PLXDC2: variants seen among roughly 807,000 people sequenced by gnomAD.
PLXDC2 encodes plexin domain containing 2, also known as plexin domain-containing protein 2.
In PLXDC2, 40 loss-of-function variants were observed where a neutral mutation model predicts 68.9. That is an observed-to-expected ratio of 0.58 (90% CI 0.45 to 0.76). PLXDC2 has a LOEUF of 0.76. Among genes scored for constraint, PLXDC2 ranks in the 30% least tolerant of loss-of-function variants. PLXDC2 has a pLI of 0.00. For missense variants in PLXDC2, 644 were observed against 661.9 expected (o/e 0.97, Z 0.30); for synonymous variants, 243 against 234.2 (o/e 1.04, Z -0.34).
At chr10:19,988,081 T>C (rs1834679263) in intron 1 of PLXDC2, among the ~76,000 whole-genome samples, 1 of 152,322 alleles carries the variant, frequency 6.6e-6, no homozygotes, top group Admixed American at 6.5e-5. Context: ...CTTTTGTCCT[T>C]GGTTTGGCTG....
intron 6 of PLXDC2, 52 bp downstream of exon 6, chr10:20,147,954 C>A (rs759624294): frequency 8.0e-7 from 1 of 1,245,338 alleles, no homozygotes; most frequent in East Asian, 2.4e-5. Flanking sequence ...TTGACTGCTG[C>A]CTTTCCTCCA....
intron 1 of PLXDC2, among the ~76,000 whole-genome samples, chr10:19,861,569 C>T (rs551375152): frequency 6.6e-6 from 1 of 152,296 alleles, no homozygotes; most frequent in Non-Finnish European, 1.5e-5. Context: ...TTCTCAGCTT[C>T]CCCTAAATGA....
chr10:19,969,326 C>T (rs1834312840), intron 1 of PLXDC2, among the ~76,000 whole-genome samples: 1 of 152,138 alleles, frequency 6.6e-6, no homozygotes, highest in African/African-American at 2.4e-5. Context: ...TTAAATCCCA[C>T]GAAAACCAAA....
At chr10:20,189,510 TAC>T (rs1282379400) in intron 9 of PLXDC2, among the ~76,000 whole-genome samples, 2 of 110,892 alleles carry the variant, frequency 1.8e-5, no homozygotes, top group Non-Finnish European at 3.8e-5. Flanking sequence ...TATATACACA[TAC>T]ACACACATAT....
intron 1 of PLXDC2, among the ~76,000 whole-genome samples, chr10:19,818,158 T>C (rs1589481744): frequency 6.6e-6 from 1 of 151,138 alleles, no homozygotes; most frequent in African/African-American, 2.4e-5. Context: ...AGAAAAAACT[T>C]GGAGGGAAAA....
rs189066542 is a variant in PLXDC2 at position 20,116,977 on chromosome 10, T to C, written c.542-26318T>C. Among the ~76,000 whole-genome samples the C allele has an allele frequency of 2.4e-3, 361 of 152,004 alleles. 1 individual carries two copies. Among genetic ancestry groups the C allele is most frequent in the Non-Finnish European group, 3.7e-3 (254 of 67,960 alleles). On this transcript the variant is annotated intron_variant, in intron 4 of 13. Transcript: ENST00000377252. ...TAAAAATGAAAAAATAAATAAAATA[T>C]TTAAAGACTGGAAGAAAAAATATAT...
At chr10:20,034,462 C>T (rs1240627110) in intron 2 of PLXDC2, among the ~76,000 whole-genome samples, 3 of 151,982 alleles carry the variant, frequency 2.0e-5, no homozygotes, top group East Asian at 1.9e-4. Context: ...GACATATTTT[C>T]GTAATTAAAG....
At chr10:19,984,971 C>T (rs1834612277) in intron 1 of PLXDC2, among the ~76,000 whole-genome samples, 1 of 152,148 alleles carries the variant, frequency 6.6e-6, no homozygotes, top group Non-Finnish European at 1.5e-5. Flanking sequence ...TTAATTCTTA[C>T]TCTTGTAAAA....
intron 2 of PLXDC2, among the ~76,000 whole-genome samples, chr10:20,010,710 G>T (rs1174680064): frequency 6.6e-6 from 1 of 152,144 alleles, no homozygotes; most frequent in African/African-American, 2.4e-5. Flanking sequence ...TTCAGAACAA[G>T]AATTATGTTT....
chr10:20,103,098 A>G (rs1833443924), intron 4 of PLXDC2, among the ~76,000 whole-genome samples: 1 of 152,200 alleles, frequency 6.6e-6, no homozygotes, highest in African/African-American at 2.4e-5. Flanking sequence ...GAAGGTGCGG[A>G]CAGAAATCTC....
chr10:20,220,805 A>T (rs1051643658), intron 12 of PLXDC2, among the ~76,000 whole-genome samples: 20 of 150,668 alleles, frequency 1.3e-4, no homozygotes, highest in African/African-American at 4.9e-4. Context: ...TGAAGAATTC[A>T]TACTGGCATG....
intron 4 of PLXDC2, among the ~76,000 whole-genome samples, chr10:20,083,533 A>T (rs1836616150): frequency 6.6e-6 from 1 of 152,018 alleles, no homozygotes; most frequent in Non-Finnish European, 1.5e-5. Flanking sequence ...CAGCATTAAT[A>T]TTTAAAATTC....
intron 4 of PLXDC2, among the ~76,000 whole-genome samples, chr10:20,116,046 A>G (rs1589636296): frequency 6.6e-6 from 1 of 152,250 alleles, no homozygotes; most frequent in African/African-American, 2.4e-5. Flanking sequence ...CCAGTTACAC[A>G]AAAGTGTGTT....
chr10:19,968,273 A>G (rs1307301708), intron 1 of PLXDC2, among the ~76,000 whole-genome samples: 1 of 152,142 alleles, frequency 6.6e-6, no homozygotes, highest in Non-Finnish European at 1.5e-5. Context: ...CTTGTATTAG[A>G]TGAGTGATTA....
intron 2 of PLXDC2, among the ~76,000 whole-genome samples, chr10:20,039,168 A>G (rs553063920): frequency 1.0e-3 from 153 of 152,248 alleles, no homozygotes; most frequent in African/African-American, 3.5e-3. Flanking sequence ...TTCCTGATCT[A>G]CCCACAACTA....
rs574934269 is a variant in PLXDC2, at chr10:20,249,995, C to T, written c.1473+4490C>T. ...AAATTGAATGATGCTAGGCCGGGAG[C>T]GGTGGCTCACGCCTCTAATCCCAGC... On this transcript the variant is annotated intron_variant, in intron 13 of 13. Transcript: ENST00000377252. 4.7e-3 allele frequency among the ~76,000 whole-genome samples: 713 copies of T among 152,154 alleles called. 3 individuals carry two copies. Among genetic ancestry groups the T allele is most frequent in the Non-Finnish European group, 5.8e-3 (393 of 67,978 alleles).
At chr10:20,169,403 A>T (rs1834416549) in intron 7 of PLXDC2, among the ~76,000 whole-genome samples, 1 of 152,174 alleles carries the variant, frequency 6.6e-6, no homozygotes, top group Admixed American at 6.6e-5. Context: ...TAACACCGTC[A>T]TATATTCATG....
chr10:19,974,570 T>C lies in PLXDC2; in HGVS notation c.113-27205T>C, dbSNP rs186795905. Among the ~76,000 whole-genome samples the C allele has an allele frequency of 3.6e-3, 551 of 152,326 alleles. 3 individuals are homozygous for C. The highest frequency in any genetic ancestry group is 5.8e-3 in the Non-Finnish European group (396 of 68,032). ...ATCTTGTATGTGGGGAGAAAAACTT[T>C]CATGGGGAATGAAGGAAAGAAACAG... is the stretch of plus-strand genomic sequence containing the variant. On this transcript the variant is annotated intron_variant, in intron 1 of 13. Coordinates refer to ENST00000377252, the MANE Select transcript of PLXDC2 (RefSeq NM_032812.9).
In PLXDC2 at chr10:20,013,420, A is replaced by C. The variant is rs556394377; in HGVS notation, c.324+11434A>C. On this transcript the variant is annotated intron_variant, in intron 2 of 13. Transcript: ENST00000377252. ...TTCATGACAGGATTTTTTACCTAAA[A>C]ATAATGCTCCCTGATCTTTTGTGGT... 6.6e-5 allele frequency among the ~76,000 whole-genome samples: 10 copies of C among 152,340 alleles called. No individual in the cohort carries two copies. The East Asian group carries it at 1.9e-3, about 29-fold the overall frequency.
Sources: gnomAD v4.1 joint callset for allele counts (sites outside exome capture counted in the v4.1 genomes callset) on GRCh38, gnomAD v4.1.1 for gene constraint, MANE v1.5 for transcripts, NCBI Gene and HGNC (gene_info 2026-07-23, HGNC 2026-07-21) for gene names.